FANCB: variants seen among roughly 807,000 people sequenced by gnomAD.
FANCB encodes FA complementation group B, also known as Fanconi anemia group B protein.
FANCB carries 5 observed loss-of-function variants against 38.9 expected under a neutral mutation model. The ratio of observed to expected loss-of-function variants is 0.13; its 90% CI spans 0.07 to 0.27. The LOEUF (loss-of-function observed/expected upper bound fraction) is 0.27. Ranked by LOEUF, FANCB falls within the 10% of genes least tolerant of loss-of-function variation. The pLI is 1.00. For synonymous variants in FANCB, 236 were observed against 215.4 expected (o/e 1.10, Z -0.84); for missense variants, 573 against 602.7 (o/e 0.95, Z 0.52).
the FANCB span, among the ~76,000 whole-genome samples, chrX:14,717,868 T>C: frequency 2.7e-5 from 3 of 110,946 alleles, no homozygotes; most frequent in African/African-American, 9.8e-5. Flanking sequence ...TGCTTTTATA[T>C]GGTTCAGATA....
the FANCB span, among the ~76,000 whole-genome samples, chrX:14,707,432 T>A: frequency 2.7e-5 from 3 of 111,578 alleles, no homozygotes; most frequent in East Asian, 5.6e-4. Context: ...CCAATACTTA[T>A]GAAGTATTTC....
At chrX:14,800,999 T>TTGATA in the FANCB span, among the ~76,000 whole-genome samples, 1 of 111,300 alleles carries the variant, frequency 9.0e-6, no homozygotes, top group African/African-American at 3.3e-5. Context: ...GTCAGTCATT[T>TTGATA]TGATATGCAC....
At chrX:14,787,889 ATAT>A in the FANCB span, among the ~76,000 whole-genome samples, 1 of 44,481 alleles carries the variant, frequency 2.2e-5, no homozygotes, top group South Asian at 1.1e-3. Flanking sequence ...ATATATATAT[ATAT>A]ATATATATAT....
the FANCB span, chrX:14,731,808 G>A: frequency 1.1e-4 from 12 of 111,861 alleles, no homozygotes; most frequent in African/African-American, 2.9e-4. Context: ...TAAGTGTGCC[G>A]CAAACTTCTC....
At chrX:14,788,458 G>A in the FANCB span, among the ~76,000 whole-genome samples, 1 of 111,427 alleles carries the variant, frequency 9.0e-6, no homozygotes, top group East Asian at 2.8e-4. Flanking sequence ...CTATCAGGGT[G>A]AAGAACCATT....
the FANCB span, among the ~76,000 whole-genome samples, chrX:14,718,717 T>A: frequency 8.9e-6 from 1 of 112,030 alleles, no homozygotes; most frequent in Non-Finnish European, 1.9e-5. Context: ...AGTCTTTCCA[T>A]GTGGCTTGAC....
At chrX:14,716,695 CCCTCTGGTG>C in the FANCB span, among the ~76,000 whole-genome samples, 2 of 111,491 alleles carry the variant, frequency 1.8e-5, no homozygotes, top group Non-Finnish European at 3.8e-5. Flanking sequence ...AGGAGCTCAC[CCCTCTGGTG>C]AGCAAAGATA....
chrX:14,765,462 T>C, the FANCB span, among the ~76,000 whole-genome samples: 3 of 112,401 alleles, frequency 2.7e-5, no homozygotes, highest in Non-Finnish European at 3.8e-5. Flanking sequence ...GATACAATCA[T>C]CAAGAACAGT....
chrX:14,823,589 T>C, the FANCB span, among the ~76,000 whole-genome samples: 171 of 112,059 alleles, frequency 1.5e-3, no homozygotes, highest in African/African-American at 5.1e-3. Flanking sequence ...GCCTATCTAG[T>C]TCCTTATTTC....
chrX:14,742,223 C>A, the FANCB span, among the ~76,000 whole-genome samples: 1 of 111,785 alleles, frequency 8.9e-6, no homozygotes, highest in Non-Finnish European at 1.9e-5. Flanking sequence ...CCAAAGTCCC[C>A]TGAATTCTAT....
chrX:14,744,074 G>A, the FANCB span, among the ~76,000 whole-genome samples: 1 of 111,902 alleles, frequency 8.9e-6, no homozygotes, highest in Non-Finnish European at 1.9e-5. Context: ...ATTCAACCAA[G>A]TATAGGCACC....
intron 3 of FANCB, among the ~76,000 whole-genome samples, chrX:14,864,026 T>C (rs979109613): frequency 9.0e-6 from 1 of 110,542 alleles, no homozygotes; most frequent in Non-Finnish European, 1.9e-5. Flanking sequence ...TCCCAGCTAC[T>C]CGGGAGGCTG....
At chrX:14,699,331 AG>A in the FANCB span, among the ~76,000 whole-genome samples, 2 of 112,345 alleles carry the variant, frequency 1.8e-5, no homozygotes, top group African/African-American at 6.5e-5. Flanking sequence ...TTACCCAGAT[AG>A]CCCTGACTTC....
the FANCB span, among the ~76,000 whole-genome samples, chrX:14,725,050 T>A: frequency 8.9e-6 from 1 of 111,803 alleles, no homozygotes; most frequent in Non-Finnish European, 1.9e-5. Flanking sequence ...TGGATTTGAA[T>A]CTCAGCTTCA....
intron 6 of FANCB, among the ~76,000 whole-genome samples, chrX:14,852,230 G>A (rs2092404522): frequency 9.4e-6 from 1 of 106,228 alleles, no homozygotes; most frequent in East Asian, 2.9e-4. Context: ...GTGCAATGGC[G>A]CGATCTCAGC....
the FANCB span, among the ~76,000 whole-genome samples, chrX:14,707,694 GTGTGTGTA>G: frequency 1.8e-5 from 2 of 110,300 alleles, no homozygotes; most frequent in African/African-American, 6.6e-5. Context: ...GTGTGTGGAA[GTGTGTGTA>G]TGTGTGTCCT....
At chrX:14,815,050 C>G in the FANCB span, among the ~76,000 whole-genome samples, 1 of 111,220 alleles carries the variant, frequency 9.0e-6, no homozygotes, top group Non-Finnish European at 1.9e-5. Flanking sequence ...AACCATCATT[C>G]TCAGCAAACT....
chrX:14,858,332 T>C (rs2092432046), intron 4 of FANCB, among the ~76,000 whole-genome samples: 1 of 109,482 alleles, frequency 9.1e-6, no homozygotes, highest in Admixed American at 9.7e-5. Flanking sequence ...GGGGCGGAGG[T>C]TGCAGTGAGC....
At position 14,844,514 on chromosome X, in the gene FANCB, T is replaced by A. The variant is rs2092367373; in HGVS notation, c.2154A>T (p.Ile718=). Residue 718 remains isoleucine, a synonymous_variant, in exon 9 of 10, where the codon ATA becomes ATT. Coordinates refer to ENST00000650831, the MANE Select transcript of FANCB (RefSeq NM_001018113.3). ...KQRTPFEGIL[I]IYSRNQTVMF... is the part of the protein sequence containing the mutation. The stretch of plus-strand genomic sequence containing the variant: ...TTAATATGCATTACCTGGAATAGAT[T>A]ATTAAAATCCCTTCGAATGGTGTTC... 1 of 1,188,338 alleles carries A rather than the reference T, an allele frequency of 8.4e-7. No homozygotes were observed. The highest frequency in any genetic ancestry group is 3.0e-5 in the East Asian group (1 of 33,738).
Sources: gnomAD v4.1 joint callset for allele counts (sites outside exome capture counted in the v4.1 genomes callset) on GRCh38, gnomAD v4.1.1 for gene constraint, MANE v1.5 for transcripts, NCBI Gene and HGNC (gene_info 2026-07-23, HGNC 2026-07-21) for gene names.